PAPPA: variants seen among roughly 807,000 people sequenced by gnomAD.
PAPPA encodes the protein pappalysin-1.
In PAPPA, 60 loss-of-function variants were observed where a neutral mutation model predicts 164.0. The ratio of observed to expected loss-of-function variants is 0.37; its 90% confidence interval spans 0.30 to 0.45. The LOEUF (loss-of-function observed/expected upper bound fraction) is 0.45, where lower values mean the gene tolerates loss of function less well. PAPPA is among the 20% of genes least tolerant of loss of function. The probability of loss-of-function intolerance (pLI) is 1.00; values close to 1 mark genes in which losing one functional copy is unlikely to be tolerated. For missense variants in PAPPA, 1,782 were observed against 2,087.3 expected, an observed-to-expected ratio of 0.85 and a Z score of 2.85; for synonymous variants, 875 against 814.1, an observed-to-expected ratio of 1.07 and a Z score of -1.27.
intron 13 of PAPPA, among the ~76,000 whole-genome samples, 198 bp downstream of exon 13, chr9:116,335,272 T>C (rs1846047228): frequency 6.6e-6 from 1 of 151,906 alleles, no homozygotes; most frequent in African/African-American, 2.4e-5. Context: ...AGGGAAACGG[T>C]TGTGTGGTGA....
At chr9:116,209,239 G>A (rs776470564) in intron 3 of PAPPA, among the ~76,000 whole-genome samples, 41 of 152,162 alleles carry the variant, frequency 2.7e-4, no homozygotes, top group Non-Finnish European at 4.6e-4. Context: ...TGGGAGTAAT[G>A]CTAGACTAGA....
chr9:116,254,626 CA>C (rs1372196362), intron 7 of PAPPA, among the ~76,000 whole-genome samples: 2 of 151,542 alleles, frequency 1.3e-5, no homozygotes, highest in Non-Finnish European at 2.9e-5. Context: ...ACTAAAAATA[CA>C]AAAAATTAGC....
At chr9:116,363,166 C>A (rs1036665543) in intron 18 of PAPPA, among the ~76,000 whole-genome samples, 1 of 152,168 alleles carries the variant, frequency 6.6e-6, no homozygotes, top group Non-Finnish European at 1.5e-5. Flanking sequence ...TATTATTAAT[C>A]TTGAAATTTG....
intron 8 of PAPPA, among the ~76,000 whole-genome samples, chr9:116,268,326 C>G (rs1221360839): frequency 6.6e-6 from 1 of 152,194 alleles, no homozygotes; most frequent in African/African-American, 2.4e-5. Context: ...TCTCACTGTT[C>G]TCTCCCACAT....
intron 20 of PAPPA, among the ~76,000 whole-genome samples, chr9:116,378,106 A>G (rs147839644): frequency 1.1e-4 from 16 of 152,262 alleles, no homozygotes; most frequent in African/African-American, 3.9e-4. Context: ...CTTCTGCCCC[A>G]CATCTTAGTC....
At chr9:116,289,381 CATATG>C (rs1564212474) in intron 9 of PAPPA, among the ~76,000 whole-genome samples, 1 of 140,070 alleles carries the variant, frequency 7.1e-6, no homozygotes, top group African/African-American at 2.6e-5. Flanking sequence ...ATATATATAG[CATATG>C]TATATATAGC....
intron 4 of PAPPA, among the ~76,000 whole-genome samples, chr9:116,216,453 G>A (rs1844372736): frequency 6.6e-6 from 1 of 152,154 alleles, no homozygotes; most frequent in Non-Finnish European, 1.5e-5. Context: ...ATGGGGACTG[G>A]CATAGGCTTC....
intron 10 of PAPPA, among the ~76,000 whole-genome samples, chr9:116,327,309 A>G (rs1845933189): frequency 6.6e-6 from 1 of 152,212 alleles, no homozygotes; most frequent in Non-Finnish European, 1.5e-5. Flanking sequence ...CACTGGAAGG[A>G]TGGAAAACAG....
chr9:116,361,905 C>G (rs1445927795), intron 17 of PAPPA, among the ~76,000 whole-genome samples: 5 of 152,128 alleles, frequency 3.3e-5, no homozygotes, highest in Non-Finnish European at 1.5e-5. Flanking sequence ...GCTGCATTTG[C>G]CTAATGCTTT....
chr9:116,235,246 T>G lies in PAPPA; in HGVS notation c.2341T>G (p.Cys781Gly). ...VPPACPEPQG[C>G]YLELEFLYPL... is the part of the protein sequence containing the mutation. ...TCCAGCCTGCCCTGAGCCTCAAGGC[T>G]GCTACCTCGAGCTGGAGTTCCTCTA... Residue 781 changes from cysteine to glycine, a missense_variant, in exon 7 of 22, where the codon TGC (cysteine) becomes GGC (glycine). Around this residue, in one of 2 missense-constraint regions of PAPPA, gnomAD observed 1,324 missense variants for 1,656.9 expected, o/e 0.80. Transcript: ENST00000328252. The G allele has an allele frequency of 6.2e-7, 1 of 1,614,184 alleles. No homozygotes were observed. The highest frequency in any genetic ancestry group is 1.1e-5 in the South Asian group (1 of 91,086).
chr9:116,382,665 T>C (rs939465825), intron 21 of PAPPA, among the ~76,000 whole-genome samples, 172 bp downstream of exon 21: 3 of 152,198 alleles, frequency 2.0e-5, no homozygotes, highest in South Asian at 2.1e-4. Context: ...TGAACTAATA[T>C]CATAGGCTGG....
chr9:116,161,208 C>G (rs1843661318), intron 1 of PAPPA, among the ~76,000 whole-genome samples: 1 of 152,122 alleles, frequency 6.6e-6, no homozygotes, highest in African/African-American at 2.4e-5. Flanking sequence ...GTTAGCAAAC[C>G]TTTTCATGCC....
rs1371905609 is a variant in PAPPA, at chr9:116,187,816, C to A, written c.1078C>A (p.Leu360Ile). The change falls in exon 2 of 22, where the codon CTC becomes ATC. Residue 360 changes from leucine to isoleucine, a missense_variant. By Grantham distance (5) the Leu-to-Ile change is conservative. Around this residue, in one of 2 missense-constraint regions of PAPPA, gnomAD observed 1,324 missense variants for 1,656.9 expected, o/e 0.80. Coordinates refer to ENST00000328252, the MANE Select transcript of PAPPA (RefSeq NM_002581.5). This position sits in a 1 kb window ranked among gnomAD's most constrained non-coding sequence, Gnocchi z 4.2. ...PKVVRYRVVN[L>I]YEDDHKNPTV... Reference sequence around the variant, plus strand: ...GGTGGTGCGCTACCGCGTGGTCAACCTCTATGAAGATGATCATAAGAACCC... The same window carrying A: ...GGTGGTGCGCTACCGCGTGGTCAACATCTATGAAGATGATCATAAGAACCC... The A allele has an allele frequency of 7.4e-6, 12 of 1,614,256 alleles. No homozygotes were observed. The highest frequency in any genetic ancestry group is 1.0e-5 in the Non-Finnish European group (12 of 1,180,056).
intron 9 of PAPPA, among the ~76,000 whole-genome samples, chr9:116,273,952 T>C (rs1467901382): frequency 6.6e-6 from 1 of 152,174 alleles, no homozygotes; most frequent in African/African-American, 2.4e-5. Context: ...TAACAACTCT[T>C]TTACTGAACT....
intron 19 of PAPPA, among the ~76,000 whole-genome samples, chr9:116,374,959 C>T (rs970911683): frequency 6.6e-6 from 1 of 152,228 alleles, no homozygotes; most frequent in African/African-American, 2.4e-5. Flanking sequence ...GTATCACATT[C>T]CTTCATGTAT....
chr9:116,265,606 C>G (rs1845057953), intron 7 of PAPPA, among the ~76,000 whole-genome samples: 1 of 152,148 alleles, frequency 6.6e-6, no homozygotes, highest in Non-Finnish European at 1.5e-5. Context: ...AAGAAAAAAA[C>G]AACACCTAGT....
rs769427282 is a variant in PAPPA at position 116,362,627 on chromosome 9, T to C, written c.4383T>C (p.Asp1461=). Residue 1461 remains aspartate (D), a synonymous_variant, in exon 18 of 22, where the codon GAT becomes GAC. Coordinates refer to ENST00000328252, the MANE Select transcript of PAPPA (RefSeq NM_002581.5). The part of the protein sequence containing the change: ...LGSNVIHCRK[D]GTWNGSFHVC... ...GCAATGTCATTCATTGCCGGAAAGATGGCACCTGGAACGGCTCCTTCCATG... is the reference window on the plus strand; with the variant it reads ...GCAATGTCATTCATTGCCGGAAAGACGGCACCTGGAACGGCTCCTTCCATG... 34 of 1,614,028 alleles carry C rather than the reference T, an allele frequency of 2.1e-5. No homozygotes were observed. The highest frequency in any genetic ancestry group is 4.5e-5 in the East Asian group (2 of 44,892).
chr9:116,164,143 C>T (rs1010583818), intron 1 of PAPPA, among the ~76,000 whole-genome samples: 1 of 152,188 alleles, frequency 6.6e-6, no homozygotes, highest in Non-Finnish European at 1.5e-5. Context: ...TATTGCTTAT[C>T]ATTTTAATCA....
intron 1 of PAPPA, among the ~76,000 whole-genome samples, chr9:116,181,677 G>A (rs1038086873): frequency 2.0e-5 from 3 of 152,156 alleles, no homozygotes; most frequent in African/African-American, 7.2e-5. Context: ...AATCAGTATC[G>A]ACATTGGAAG....
Sources: gnomAD v4.1 joint callset for allele counts (sites outside exome capture counted in the v4.1 genomes callset) on GRCh38, gnomAD v4.1.1 for gene constraint, gnomAD v4.1.1 regional missense constraint, Gnocchi (gnomAD v3.1) non-coding constraint, MANE v1.5 for transcripts, NCBI Gene and HGNC (gene_info 2026-07-23, HGNC 2026-07-21) for gene names.